NUP155: variants seen among roughly 807,000 people sequenced by gnomAD.
NUP155 encodes the protein nucleoporin 155, also known as nuclear pore complex protein Nup155.
A neutral mutation model predicts 180.4 loss-of-function variants in NUP155; 71 were observed. The observed-to-expected ratio is 0.39, with a 90% CI of 0.33 to 0.48. NUP155 has a LOEUF of 0.48. Ranked by LOEUF, NUP155 falls within the 20% of genes least tolerant of loss-of-function variation. The pLI is 0.91. For synonymous variants in NUP155, 582 were observed against 559.5 expected, an observed-to-expected ratio of 1.04 and a Z score of -0.57; for missense variants, 1,553 against 1,648.9, an observed-to-expected ratio of 0.94 and a Z score of 1.01.
At chr5:37,320,359 C>T (rs537226037) in intron 20 of NUP155, among the ~76,000 whole-genome samples, 1 of 152,268 alleles carries the variant, frequency 6.6e-6, no homozygotes, top group East Asian at 1.9e-4. Context: ...TGCCTGTAAT[C>T]CCAGCTACTC....
rs1742194509 is a variant in NUP155, at chr5:37,290,638, A to G, written c.*1262T>C. 1 of 152,198 alleles carries G rather than the reference A, an allele frequency of 6.6e-6. No individual in the cohort carries two copies. 9.4% of individuals were successfully genotyped at this position (152,198 alleles called of 1,614,324 possible). On this transcript the variant is annotated 3_prime_UTR_variant, in exon 35 of 35. Coordinates refer to ENST00000231498, the MANE Select transcript of NUP155 (RefSeq NM_153485.3). Reference sequence around the variant, plus strand: ...TACATTACTAACAGTTTTGCTTTATATATTGTGTGCCTTGGGCAAAATTTG... The same window carrying G: ...TACATTACTAACAGTTTTGCTTTATGTATTGTGTGCCTTGGGCAAAATTTG...
At position 37,358,067 on chromosome 5, in the gene NUP155, G is replaced by C. The variant is rs1294262671; in HGVS notation, c.463+14C>G. 6.3e-7 allele frequency: 1 copy of C among 1,579,058 alleles called. No homozygotes were observed. Among genetic ancestry groups the C allele is most frequent in the Admixed American group, 1.7e-5 (1 of 59,954 alleles). Reference sequence around the variant, plus strand: ...ATACAAACATAATCTCTTCCTTATAGTTTTATTTCTTACCTGCTTTTGGCT... The same window carrying C: ...ATACAAACATAATCTCTTCCTTATACTTTTATTTCTTACCTGCTTTTGGCT... On this transcript the variant is annotated intron_variant, in intron 4 of 34. Transcript: ENST00000231498.
At position 37,289,236 on chromosome 5, in the gene NUP155, C is replaced by G. The variant is rs1011977335; in HGVS notation, c.*2664G>C. The G allele has an allele frequency of 6.6e-6, 1 of 152,478 alleles. No homozygotes were observed. Among genetic ancestry groups the G allele is most frequent in the South Asian group, 2.1e-4 (1 of 4,838 alleles). 9.4% of individuals were successfully genotyped at this position (152,478 alleles called of 1,614,324 possible). On this transcript the variant is annotated 3_prime_UTR_variant, in exon 35 of 35. Transcript: ENST00000231498. ...ATGAGGTGGGAAGACTGAGTTGAGC[C>G]CAGGAGCTCGAGGCTGCAGTGAGCC...
At chr5:37,338,507 C>T (rs565455825) in intron 11 of NUP155, among the ~76,000 whole-genome samples, 2 of 150,322 alleles carry the variant, frequency 1.3e-5, no homozygotes, top group Non-Finnish European at 1.5e-5. Context: ...CCTGGGTTCA[C>T]GTCATTCTCC....
chr5:37,307,806 C>T (rs1372860263), intron 24 of NUP155, among the ~76,000 whole-genome samples: 1 of 151,638 alleles, frequency 6.6e-6, no homozygotes, highest in Non-Finnish European at 1.5e-5. Flanking sequence ...CCTGTAATCC[C>T]AGCTACTCAA....
At chr5:37,332,557 A>C (rs1374468763) in intron 13 of NUP155, among the ~76,000 whole-genome samples, 1 of 151,930 alleles carries the variant, frequency 6.6e-6, no homozygotes, top group Non-Finnish European at 1.5e-5. Flanking sequence ...TGCCATTACA[A>C]TCAATGGCAA....
chr5:37,361,265 C>CAAAAAAAAAAA (rs35489900), intron 3 of NUP155, among the ~76,000 whole-genome samples: 2 of 78,030 alleles, frequency 2.6e-5, no homozygotes, highest in African/African-American at 1.2e-4. Context: ...GACTCTGTCT[C>CAAAAAAAAAAA]AAAAAAAAAA....
intron 4 of NUP155, 90 bp downstream of exon 4, chr5:37,357,991 T>A: frequency 1.1e-6 from 1 of 923,938 alleles, no homozygotes; most frequent in South Asian, 1.3e-5. Context: ...AGACTCCATC[T>A]CGAAAAAAAT....
In NUP155 at chr5:37,350,187, A is replaced by G; in HGVS notation, c.802T>C (p.Leu268=). ...TCTTCTGAGAACGTGAATTGTAGCA[A>G]GGAAGGAACAAGGAAAGAAAGTGAG... ...KSSLSFLVPS[L]LQFTFSEDDP... Residue 268 remains leucine, a synonymous_variant, in exon 7 of 35, where the codon TTG becomes CTG. Transcript: ENST00000231498. 2 of 1,613,830 alleles carry G rather than the reference A, an allele frequency of 1.2e-6. No homozygotes were observed. The highest frequency in any genetic ancestry group is 1.7e-6 in the Non-Finnish European group (2 of 1,179,794).
At chr5:37,313,509 G>A (rs13163879) in intron 22 of NUP155, among the ~76,000 whole-genome samples, 1 of 150,364 alleles carries the variant, frequency 6.7e-6, no homozygotes, top group Non-Finnish European at 1.5e-5. Context: ...GTGTGTGAGA[G>A]AGACAGAGAG....
Position 37,307,326 on chromosome 5 carries a change from G to A in NUP155, c.2874C>T (p.Asp958=). The change falls in exon 25 of 35, where the codon GAC becomes GAT. Residue 958 remains aspartate, a synonymous_variant. Coordinates refer to ENST00000231498, the MANE Select transcript of NUP155 (RefSeq NM_153485.3). ...CTTGGAAGGCCTGAAGTCCAACTATGTCTTCTTCTGGTTCTCCATGTTTAT... is the reference window on the plus strand; with the variant it reads ...CTTGGAAGGCCTGAAGTCCAACTATATCTTCTTCTGGTTCTCCATGTTTAT... ...HFYKHGEPEE[D]IVGLQAFQER... 6.2e-7 allele frequency: 1 copy of A among 1,613,972 alleles called. No individual in the cohort carries two copies. The highest frequency in any genetic ancestry group is 8.5e-7 in the Non-Finnish European group (1 of 1,179,948).
chr5:37,357,979 C>T (rs778846803), intron 4 of NUP155, 102 bp downstream of exon 4: 30 of 813,654 alleles, frequency 3.7e-5, no homozygotes, highest in Admixed American at 1.3e-4. Context: ...CTCGATGGAA[C>T]GAGACTCCAT....
Position 37,303,247 on chromosome 5 carries a change from T to A in NUP155, c.3317+13A>T. On this transcript the variant is annotated intron_variant, in intron 28 of 34. Coordinates refer to ENST00000231498, the MANE Select transcript of NUP155 (RefSeq NM_153485.3). ...TTTGAATCATTCTTCACAATAAGAA[T>A]ATTATGCCATACCTATGCATGTCAG... The A allele has an allele frequency of 6.2e-7, 1 of 1,613,652 alleles. No individual in the cohort carries two copies. The highest frequency in any genetic ancestry group is 8.5e-7 in the Non-Finnish European group (1 of 1,179,602).
chr5:37,301,587 T>G, intron 29 of NUP155, 37 bp from the exon 30 acceptor site: 1 of 1,214,468 alleles, frequency 8.2e-7, no homozygotes, highest in Non-Finnish European at 1.2e-6. Context: ...TTAATTTATT[T>G]ATGATAAATC....
chr5:37,302,854 A>G lies in NUP155; in HGVS notation c.3372T>C (p.Ser1124=). The G allele has an allele frequency of 6.2e-7, 1 of 1,614,100 alleles. No homozygotes were observed. The highest frequency in any genetic ancestry group is 8.5e-7 in the Non-Finnish European group (1 of 1,179,966). ...RLEYIARAIL[S]AKSSTAISSI... ...ATGAAATGGCAGTGGAACTTTTGGC[A>G]CTAAGAATGGCTCGAGCAATGTACT... Residue 1124 remains serine (S), a synonymous_variant, in exon 29 of 35, where the codon AGT becomes AGC. Coordinates refer to ENST00000231498, the MANE Select transcript of NUP155 (RefSeq NM_153485.3).
intron 19 of NUP155, among the ~76,000 whole-genome samples, chr5:37,324,587 CTTG>C (rs1744462402): frequency 2.0e-5 from 3 of 151,508 alleles, no homozygotes; most frequent in South Asian, 4.2e-4. Flanking sequence ...GAGACAGCGT[CTTG>C]TTGTTGCCTG....
At position 37,290,619 on chromosome 5, in the gene NUP155, A is replaced by G. The variant is rs1742193838; in HGVS notation, c.*1281T>C. On this transcript the variant is annotated 3_prime_UTR_variant, in exon 35 of 35. Coordinates refer to ENST00000231498, the MANE Select transcript of NUP155 (RefSeq NM_153485.3). ...TTAAGGAATAATTAAAAAGTACATT[A>G]CTAACAGTTTTGCTTTATATATTGT... 6.6e-6 allele frequency: 1 copy of G among 152,214 alleles called. No homozygotes were observed. The highest frequency in any genetic ancestry group is 1.5e-5 in the Non-Finnish European group (1 of 68,048). 9.4% of individuals were successfully genotyped at this position (152,214 alleles called of 1,614,324 possible).
At chr5:37,334,733 A>G (rs2150970172) in intron 12 of NUP155, among the ~76,000 whole-genome samples, 1 of 152,338 alleles carries the variant, frequency 6.6e-6, no homozygotes, top group South Asian at 2.1e-4. Flanking sequence ...GTACTAGAGG[A>G]CAAGGGCAAA....
intron 12 of NUP155, 121 bp downstream of exon 12, chr5:37,337,697 A>C: frequency 1.6e-6 from 1 of 633,884 alleles, no homozygotes; most frequent in Non-Finnish European, 2.8e-6. Flanking sequence ...TTTACTTTAT[A>C]ATTTCTAATA....
Sources: gnomAD v4.1 joint callset for allele counts (sites outside exome capture counted in the v4.1 genomes callset) on GRCh38, gnomAD v4.1.1 for gene constraint, MANE v1.5 for transcripts, NCBI Gene and HGNC (gene_info 2026-07-23, HGNC 2026-07-21) for gene names.